GALNTL6: variants seen among roughly 807,000 people sequenced by gnomAD.
The protein encoded by GALNTL6 is polypeptide N-acetylgalactosaminyltransferase like 6, also known as polypeptide N-acetylgalactosaminyltransferase-like 6.
Under a neutral mutation model 73.7 loss-of-function variants are expected in GALNTL6, and 46 were observed. The observed-to-expected ratio is 0.62, with a 90% confidence interval of 0.49 to 0.80. The LOEUF is 0.80. Ranked by LOEUF, GALNTL6 falls within the 30% of genes least tolerant of loss-of-function variation. GALNTL6 has a pLI of 0.00. For synonymous variants in GALNTL6, 259 were observed against 263.7 expected, an observed-to-expected ratio of 0.98 and a Z score of 0.17; for missense variants, 604 against 755.0, an observed-to-expected ratio of 0.80 and a Z score of 2.34.
intron 2 of GALNTL6, among the ~76,000 whole-genome samples, chr4:171,896,390 C>A (rs114100743): frequency 0.014 from 2,165 of 152,180 alleles, 45 homozygotes; most frequent in African/African-American, 0.049. Flanking sequence ...CTACATGGTG[C>A]CTAGATTTCT....
At chr4:172,973,355 G>C (rs940648281) in intron 10 of GALNTL6, among the ~76,000 whole-genome samples, 3 of 152,086 alleles carry the variant, frequency 2.0e-5, no homozygotes, top group African/African-American at 7.2e-5. Flanking sequence ...AAAACCAAAA[G>C]AACAGCTAAC....
At chr4:172,790,757 G>A (rs895723075) in intron 5 of GALNTL6, among the ~76,000 whole-genome samples, 26 of 152,160 alleles carry the variant, frequency 1.7e-4, no homozygotes, top group African/African-American at 6.3e-4. Context: ...AGCTGGGCAT[G>A]GTGATGTGCA....
intron 7 of GALNTL6, among the ~76,000 whole-genome samples, chr4:172,855,314 A>G (rs898690443): frequency 1.3e-5 from 2 of 151,764 alleles, no homozygotes; most frequent in Admixed American, 6.6e-5. Context: ...TACAGTTTTT[A>G]TTTTTAGTAT....
chr4:172,572,480 C>T lies in GALNTL6; in HGVS notation c.553+223791C>T, dbSNP rs113387150. Among the ~76,000 whole-genome samples the T allele has an allele frequency of 9.1e-4, 138 of 152,272 alleles. 1 individual carries two copies. Among genetic ancestry groups the T allele is most frequent in the African/African-American group, 3.2e-3 (133 of 41,562 alleles). On this transcript the variant is annotated intron_variant, in intron 5 of 12. Transcript: ENST00000506823. ...TAATATATCAGACACTCAAGTCTGA[C>T]CTCACACCTGCAGGCTGAACCTCTG... is the stretch of plus-strand genomic sequence containing the variant.
intron 12 of GALNTL6, among the ~76,000 whole-genome samples, chr4:173,038,259 G>A (rs775833666): frequency 5.3e-5 from 8 of 152,222 alleles, no homozygotes; most frequent in Non-Finnish European, 8.8e-5. Context: ...GAATGAGCAT[G>A]AGAGATGCTG....
At chr4:172,995,273 A>G (rs1031109709) in intron 10 of GALNTL6, among the ~76,000 whole-genome samples, 5 of 145,120 alleles carry the variant, frequency 3.4e-5, no homozygotes, top group African/African-American at 1.3e-4. Flanking sequence ...AGTGTGGTTC[A>G]GTGAAAATAC....
intron 2 of GALNTL6, among the ~76,000 whole-genome samples, chr4:172,047,083 A>G (rs1379024349): frequency 6.6e-6 from 1 of 152,140 alleles, no homozygotes; most frequent in Non-Finnish European, 1.5e-5. Context: ...TTGGTTATTG[A>G]AACAAACTAA....
chr4:172,100,234 A>G (rs2110958765), intron 2 of GALNTL6, among the ~76,000 whole-genome samples: 1 of 152,244 alleles, frequency 6.6e-6, no homozygotes, highest in East Asian at 1.9e-4. Context: ...TTTATTTGAT[A>G]AGATTCTATG....
At chr4:171,965,306 T>C (rs1011134451) in intron 2 of GALNTL6, among the ~76,000 whole-genome samples, 4 of 152,118 alleles carry the variant, frequency 2.6e-5, no homozygotes, top group Non-Finnish European at 4.4e-5. Flanking sequence ...ATAGTGGATA[T>C]GAAGTGATAA....
chr4:171,835,530 G>A (rs1735075169), intron 2 of GALNTL6, among the ~76,000 whole-genome samples: 1 of 151,846 alleles, frequency 6.6e-6, no homozygotes, highest in Admixed American at 6.6e-5. Context: ...TAGGCAGAAA[G>A]GCTATTATTA....
chr4:172,282,789 G>T (rs895064759), intron 3 of GALNTL6, among the ~76,000 whole-genome samples: 1 of 152,132 alleles, frequency 6.6e-6, no homozygotes, highest in Admixed American at 6.6e-5. Context: ...TATTTTGGAG[G>T]CGTAATCAAA....
intron 2 of GALNTL6, among the ~76,000 whole-genome samples, chr4:172,008,501 C>G (rs1263086789): frequency 6.6e-6 from 1 of 151,936 alleles, no homozygotes; most frequent in Admixed American, 6.6e-5. Context: ...CTTGCCCCAA[C>G]TCAGTACCTC....
At chr4:172,124,012 GC>G (rs1733224750) in intron 2 of GALNTL6, among the ~76,000 whole-genome samples, 1 of 152,052 alleles carries the variant, frequency 6.6e-6, no homozygotes, top group Non-Finnish European at 1.5e-5. Context: ...TGAAGGAAGT[GC>G]TTTTAGAGAA....
intron 2 of GALNTL6, among the ~76,000 whole-genome samples, chr4:172,199,552 A>C (rs775027424): frequency 5.3e-5 from 8 of 152,186 alleles, no homozygotes; most frequent in African/African-American, 9.6e-5. Context: ...ACAGACTCTC[A>C]TCTCATTCAC....
At chr4:172,174,427 T>G (rs773959480) in intron 2 of GALNTL6, among the ~76,000 whole-genome samples, 6 of 152,184 alleles carry the variant, frequency 3.9e-5, no homozygotes, top group Non-Finnish European at 8.8e-5. Flanking sequence ...TGAAAATCCT[T>G]GATGTGCACT....
intron 2 of GALNTL6, among the ~76,000 whole-genome samples, chr4:172,113,485 T>A (rs1292554561): frequency 2.6e-5 from 4 of 152,062 alleles, no homozygotes; most frequent in Non-Finnish European, 5.9e-5. Context: ...GACAGTACAA[T>A]GACTATATAA....
intron 2 of GALNTL6, among the ~76,000 whole-genome samples, chr4:172,066,958 C>G (rs547468665): frequency 3.3e-5 from 5 of 152,022 alleles, no homozygotes. Context: ...GGACTTCTCC[C>G]TGGGCTATCC....
chr4:171,862,892 T>C (rs1218653611), intron 2 of GALNTL6, among the ~76,000 whole-genome samples: 1 of 152,164 alleles, frequency 6.6e-6, no homozygotes, highest in Non-Finnish European at 1.5e-5. Flanking sequence ...GATTTTGAAT[T>C]AGAATGTATT....
At position 172,060,583 on chromosome 4, in the gene GALNTL6, GA is replaced by G. The variant is rs553398316; in HGVS notation, c.139-169064del. 7.6e-3 allele frequency among the ~76,000 whole-genome samples: 1,107 copies of G among 145,424 alleles called. 6 individuals carry two copies. Among genetic ancestry groups the G allele is most frequent in the African/African-American group, 0.02 (786 of 39,540 alleles). On this transcript the variant is annotated intron_variant, in intron 2 of 12. Transcript: ENST00000506823. The stretch of plus-strand genomic sequence containing the variant: ...TTTCTCTAGGAAGGCAAAATATTTT[GA>G]AAAAAAAACAAAAGTTACATATTTT...
Sources: gnomAD v4.1 joint callset for allele counts (sites outside exome capture counted in the v4.1 genomes callset) on GRCh38, gnomAD v4.1.1 for gene constraint, MANE v1.5 for transcripts, NCBI Gene and HGNC (gene_info 2026-07-23, HGNC 2026-07-21) for gene names.